Variants in PDE8B observed in about 807,000 individuals in gnomAD.
The protein encoded by PDE8B is high affinity cAMP-specific and IBMX-insensitive 3',5'-cyclic phosphodiesterase 8B.
In PDE8B, 26 loss-of-function variants were observed where a neutral mutation model predicts 101.3. The observed-to-expected ratio is 0.26, with a 90% CI of 0.19 to 0.36. The LOEUF is 0.36. Ranked by LOEUF, PDE8B falls within the 10% of genes least tolerant of loss-of-function variation. The pLI is 1.00. For missense variants in PDE8B, 810 were observed against 1,163.1 expected (o/e 0.70, Z 4.42); for synonymous variants, 424 against 429.3 (o/e 0.99, Z 0.15).
intron 18 of PDE8B, 106 bp from the exon 19 acceptor site, chr5:77,419,661 G>A: frequency 1.5e-6 from 2 of 1,319,580 alleles, no homozygotes; most frequent in Non-Finnish European, 2.2e-6. Flanking sequence ...TTAACTCTGT[G>A]CCCCAGCTTC....
At chr5:77,367,116 TAGAA>T (rs1407071679) in intron 10 of PDE8B, among the ~76,000 whole-genome samples, 1 of 151,878 alleles carries the variant, frequency 6.6e-6, no homozygotes, top group Non-Finnish European at 1.5e-5. Context: ...TTTGTAAACT[TAGAA>T]AGAGGAGGGT....
chr5:77,343,374 G>T (rs1779563466), intron 6 of PDE8B, among the ~76,000 whole-genome samples: 1 of 152,170 alleles, frequency 6.6e-6, no homozygotes, highest in Non-Finnish European at 1.5e-5. Flanking sequence ...AGGCTACGTG[G>T]TACAGCCTGT....
At chr5:77,154,596 C>A in the PDE8B span, among the ~76,000 whole-genome samples, 2 of 152,130 alleles carry the variant, frequency 1.3e-5, no homozygotes, top group African/African-American at 4.8e-5. Context: ...ACTAGGCATG[C>A]CATCCTTGTA....
intron 14 of PDE8B, among the ~76,000 whole-genome samples, chr5:77,409,365 G>C (rs182879065): frequency 2.6e-5 from 4 of 152,238 alleles, no homozygotes; most frequent in South Asian, 4.1e-4. Flanking sequence ...GGCTTTGCAG[G>C]CTCTTGATTA....
At chr5:77,342,969 C>T (rs1779480864) in intron 6 of PDE8B, among the ~76,000 whole-genome samples, 1 of 152,210 alleles carries the variant, frequency 6.6e-6, no homozygotes, top group Non-Finnish European at 1.5e-5. Context: ...CAGTTAAGTT[C>T]TCTAATTGTT....
At chr5:77,424,433 G>C (rs1367498340) in intron 20 of PDE8B, among the ~76,000 whole-genome samples, 1 of 152,180 alleles carries the variant, frequency 6.6e-6, no homozygotes, top group East Asian at 1.9e-4. Context: ...ACACCACCAG[G>C]AAATGCGGAT....
At chr5:77,116,204 C>CTATA in the PDE8B span, among the ~76,000 whole-genome samples, 54 of 91,082 alleles carry the variant, frequency 5.9e-4, no homozygotes, top group Middle Eastern at 5.1e-3. Context: ...CCGAGTTCTT[C>CTATA]TATATATATA....
intron 1 of PDE8B, chr5:77,291,457 A>G: frequency 6.2e-7 from 1 of 1,611,258 alleles, no homozygotes; most frequent in Non-Finnish European, 8.5e-7. Flanking sequence ...TCCATTGCAC[A>G]CACAGAGACT....
intron 1 of PDE8B, among the ~76,000 whole-genome samples, chr5:77,301,719 G>T (rs1021994830): frequency 6.6e-6 from 1 of 152,200 alleles, no homozygotes; most frequent in Non-Finnish European, 1.5e-5. Flanking sequence ...CTCCCAGTCA[G>T]ACCCTGCATG....
chr5:77,094,979 G>T, the PDE8B span, among the ~76,000 whole-genome samples: 1 of 152,134 alleles, frequency 6.6e-6, no homozygotes, highest in East Asian at 1.9e-4. Context: ...GAGACTTGGA[G>T]GGGACAGATA....
At chr5:77,400,357 C>A in intron 11 of PDE8B, 67 bp downstream of exon 11, 1 of 1,023,660 alleles carries the variant, frequency 9.8e-7, no homozygotes, top group Non-Finnish European at 1.6e-6. Context: ...GTATACATTT[C>A]TCTGAAGAAG....
intron 1 of PDE8B, among the ~76,000 whole-genome samples, chr5:77,310,157 G>A (rs906652350): frequency 6.6e-6 from 1 of 151,998 alleles, no homozygotes; most frequent in African/African-American, 2.4e-5. Flanking sequence ...CACCATGTTG[G>A]CTAGGCTGGT....
intron 10 of PDE8B, among the ~76,000 whole-genome samples, chr5:77,363,917 C>G (rs1783624985): frequency 6.6e-6 from 1 of 152,076 alleles, no homozygotes. Flanking sequence ...CAGTCCATAC[C>G]CTACCTCCAG....
intron 11 of PDE8B, among the ~76,000 whole-genome samples, chr5:77,403,324 A>G (rs983174228): frequency 6.6e-6 from 1 of 152,140 alleles, no homozygotes; most frequent in Admixed American, 6.5e-5. Context: ...TTAGTTATTG[A>G]AATGTTGGGG....
At chr5:77,346,101 AAGTATC>A (rs1581163823) in intron 7 of PDE8B, among the ~76,000 whole-genome samples, 1 of 152,238 alleles carries the variant, frequency 6.6e-6, no homozygotes, top group Non-Finnish European at 1.5e-5. Flanking sequence ...CCTTAGTAAT[AAGTATC>A]AGAACTAAAA....
At chr5:77,390,477 CA>C (rs1789680070) in intron 10 of PDE8B, among the ~76,000 whole-genome samples, 1 of 152,174 alleles carries the variant, frequency 6.6e-6, no homozygotes, top group Admixed American at 6.5e-5. Context: ...CAGTAACACA[CA>C]AAATCAAACT....
At chr5:77,176,442 T>TA in the PDE8B span, among the ~76,000 whole-genome samples, 22 of 152,274 alleles carry the variant, frequency 1.4e-4, no homozygotes, top group African/African-American at 5.3e-4. Flanking sequence ...CGAAGCAATT[T>TA]AAAAAAACAT....
rs561132043 is a variant in PDE8B at position 77,374,977 on chromosome 5, A to C, written c.1167+21571A>C. Among the ~76,000 whole-genome samples, 17 of 152,116 alleles carry C rather than the reference A, an allele frequency of 1.1e-4. No individual in the cohort carries two copies. The East Asian group carries it at 1.4e-3, about 12-fold the overall frequency. ...ACCAGATACACACACACACACACACACCCAACTCTAGGTTCTCTAATTCTT... is the reference window on the plus strand; with the variant it reads ...ACCAGATACACACACACACACACACCCCCAACTCTAGGTTCTCTAATTCTT... On this transcript the variant is annotated intron_variant, in intron 10 of 21. Coordinates refer to ENST00000264917, the MANE Select transcript of PDE8B (RefSeq NM_003719.5).
intron 1 of PDE8B, among the ~76,000 whole-genome samples, chr5:77,217,512 G>C (rs1282719028): frequency 6.6e-6 from 1 of 152,010 alleles, no homozygotes; most frequent in Non-Finnish European, 1.5e-5. Context: ...TGGAAGTCTT[G>C]GTAGTTATGT....
Sources: allele counts gnomAD v4.1 joint callset (sites outside exome capture counted in the v4.1 genomes callset), GRCh38; gene constraint gnomAD v4.1.1; transcripts MANE v1.5; gene names NCBI Gene and HGNC (gene_info 2026-07-23, HGNC 2026-07-21).